MED13L: variants seen among roughly 807,000 people sequenced by gnomAD.
MED13L encodes the protein mediator complex subunit 13L.
In MED13L, 7 loss-of-function variants were observed where a neutral mutation model predicts 220.9. That is an observed-to-expected ratio of 0.03 (90% CI 0.02 to 0.06). The LOEUF (loss-of-function observed/expected upper bound fraction) is 0.06. Among genes scored for constraint, MED13L ranks in the 10% least tolerant of loss-of-function variants. The probability of loss-of-function intolerance (pLI) is 1.00; values close to 1 mark genes in which losing one functional copy is unlikely to be tolerated. For missense variants in MED13L, 1,965 were observed against 2,760.5 expected (o/e 0.71, Z 6.46); for synonymous variants, 1,011 against 1,015.2 (o/e 1.00, Z 0.08).
Position 116,277,005 on chromosome 12 carries a change from C to A in MED13L, c.72+55G>T. 2.7e-6 allele frequency: 4 copies of A among 1,495,182 alleles called. No individual in the cohort carries two copies. The South Asian group carries it at 4.8e-5, about 18-fold the overall frequency. 92.6% of individuals were successfully genotyped at this position (1,495,182 alleles called of 1,614,324 possible). A position where few individuals can be genotyped will look rare whatever the true frequency, so the allele number is the denominator to read the frequency against. On this transcript the variant is annotated intron_variant, in intron 1 of 30. Coordinates refer to ENST00000281928, the MANE Select transcript of MED13L (RefSeq NM_015335.5). ...GAGAAAGTTGGTCGGCGGCGGAGGT[C>A]GGGGACCCCCCCCCTTCCCCGGCAC...
At chr12:116,074,658 G>C (rs899664969) in intron 4 of MED13L, among the ~76,000 whole-genome samples, 5 of 152,244 alleles carry the variant, frequency 3.3e-5, no homozygotes, top group African/African-American at 1.2e-4. Context: ...AAGAGGCAGA[G>C]AGAAAGCCTC....
chr12:116,114,703 A>G (rs1029425586), intron 2 of MED13L, among the ~76,000 whole-genome samples: 1 of 152,200 alleles, frequency 6.6e-6, no homozygotes, highest in South Asian at 2.1e-4. Context: ...TCTATCAGAA[A>G]ATCCTAAAGA....
At chr12:116,276,690 G>A in intron 1 of MED13L, 4 of 1,184,196 alleles carry the variant, frequency 3.4e-6, no homozygotes, top group African/African-American at 1.6e-5. Flanking sequence ...GGCAGCACAA[G>A]GCAAAGCCTT....
chr12:116,003,845 A>G (rs1319384678), intron 13 of MED13L, among the ~76,000 whole-genome samples: 1 of 152,236 alleles, frequency 6.6e-6, no homozygotes, highest in Non-Finnish European at 1.5e-5. Context: ...CTCAGCCAAC[A>G]GCCTCCCAAC....
chr12:116,048,009 C>T (rs945222346), intron 4 of MED13L, among the ~76,000 whole-genome samples: 1 of 151,342 alleles, frequency 6.6e-6, no homozygotes, highest in Admixed American at 6.6e-5. Context: ...ATGAGTTATA[C>T]CTGCAAAGAT....
At chr12:116,165,259 C>CTTTTTTTTTTTTTTT (rs34196219) in intron 2 of MED13L, among the ~76,000 whole-genome samples, 1 of 74,486 alleles carries the variant, frequency 1.3e-5, no homozygotes, top group South Asian at 6.1e-4. Flanking sequence ...AGGCACCATC[C>CTTTTTTTTTTTTTTT]TTTTTTTTTT....
chr12:116,179,555 T>TGCA (rs35101955), intron 2 of MED13L, among the ~76,000 whole-genome samples: 26,113 of 151,680 alleles, frequency 0.17, 2,460 homozygotes, highest in Middle Eastern at 0.28. Context: ...AAATAGGGAC[T>TGCA]GCGAGCTATG....
chr12:116,019,148 C>CACCT, intron 7 of MED13L, 76 bp downstream of exon 7: 2 of 1,436,836 alleles, frequency 1.4e-6, no homozygotes, highest in Non-Finnish European at 1.9e-6. Context: ...TCTGTTTTCT[C>CACCT]ACCTGTTCCA....
intron 16 of MED13L, among the ~76,000 whole-genome samples, chr12:115,995,874 G>T (rs997076625): frequency 2.6e-5 from 4 of 152,148 alleles, no homozygotes; most frequent in Non-Finnish European, 4.4e-5. Context: ...GGTTGTATGG[G>T]TTCTCAAAGT....
intron 14 of MED13L, among the ~76,000 whole-genome samples, chr12:115,999,894 A>G (rs1381940842): frequency 2.0e-5 from 3 of 152,220 alleles, no homozygotes; most frequent in African/African-American, 7.2e-5. Flanking sequence ...TACCTCCAAG[A>G]GAGTCACTTT....
At chr12:116,275,086 A>G (rs1873703451) in intron 1 of MED13L, among the ~76,000 whole-genome samples, 1 of 152,236 alleles carries the variant, frequency 6.6e-6, no homozygotes, top group East Asian at 1.9e-4. Context: ...ATACACAGCC[A>G]TTACCAGTCA....
intron 13 of MED13L, among the ~76,000 whole-genome samples, chr12:116,004,244 C>T (rs1417652925): frequency 6.6e-6 from 1 of 152,080 alleles, no homozygotes; most frequent in African/African-American, 2.4e-5. Flanking sequence ...GCCAAAGCAC[C>T]TATCCTAACC....
intron 2 of MED13L, among the ~76,000 whole-genome samples, chr12:116,150,417 T>C (rs1218064959): frequency 6.6e-6 from 1 of 152,224 alleles, no homozygotes; most frequent in Non-Finnish European, 1.5e-5. Flanking sequence ...TCTTGTTACA[T>C]CTAGATCTTG....
chr12:115,980,556 T>C, intron 23 of MED13L, 194 bp downstream of exon 23: 4 of 654,250 alleles, frequency 6.1e-6, no homozygotes, highest in Non-Finnish European at 1.1e-5. Flanking sequence ...ACTCCTAGGC[T>C]TAAGCAATCC....
chr12:116,146,895 A>T (rs1170023324), intron 2 of MED13L, among the ~76,000 whole-genome samples: 1 of 152,104 alleles, frequency 6.6e-6, no homozygotes, highest in East Asian at 1.9e-4. Flanking sequence ...AAAAAAGTAA[A>T]AAACCAAAAA....
intron 2 of MED13L, among the ~76,000 whole-genome samples, chr12:116,141,731 GC>G (rs755022726): frequency 3.2e-4 from 49 of 152,140 alleles, no homozygotes; most frequent in Admixed American, 7.9e-4. Context: ...CTGCTTCTGT[GC>G]TGGCTCTCCC....
chr12:115,971,580 T>A (rs1011965440), intron 26 of MED13L, among the ~76,000 whole-genome samples: 24 of 152,332 alleles, frequency 1.6e-4, no homozygotes, highest in South Asian at 2.1e-4. Flanking sequence ...GACACCTACA[T>A]CTATTGAGAG....
chr12:116,110,386 T>G (rs967776643), intron 3 of MED13L: 5 of 150,116 alleles, frequency 3.3e-5, no homozygotes, highest in African/African-American at 9.9e-5. Flanking sequence ...AATAAATAAA[T>G]AAGGAAATAA....
At chr12:115,982,263 T>C (rs1474800181) in intron 22 of MED13L, 121 bp downstream of exon 22, 3 of 1,015,244 alleles carry the variant, frequency 3.0e-6, no homozygotes, top group Non-Finnish European at 3.0e-6. Flanking sequence ...TCCTAGTATT[T>C]TGGTTAGGGG....
Sources: gnomAD v4.1 joint callset for allele counts (sites outside exome capture counted in the v4.1 genomes callset) on GRCh38, gnomAD v4.1.1 for gene constraint, MANE v1.5 for transcripts, NCBI Gene and HGNC (gene_info 2026-07-23, HGNC 2026-07-21) for gene names.